HECTD4: variants seen among roughly 807,000 people sequenced by gnomAD.
The protein encoded by HECTD4 is probable E3 ubiquitin-protein ligase HECTD4.
In HECTD4, 114 loss-of-function variants were observed where a neutral mutation model predicts 471.5. The ratio of observed to expected loss-of-function variants is 0.24; its 90% confidence interval spans 0.21 to 0.28. The LOEUF is 0.28. Among genes scored for constraint, HECTD4 ranks in the 10% least tolerant of loss-of-function variants. The pLI, the probability that HECTD4 is intolerant of heterozygous loss-of-function variation, is 1.00. For missense variants in HECTD4, 3,866 were observed against 5,651.5 expected, an observed-to-expected ratio of 0.68 and a Z score of 10.13; for synonymous variants, 2,012 against 2,256.0, an observed-to-expected ratio of 0.89 and a Z score of 3.07.
At chr12:112,335,143 T>TACACACACACAC (rs144839031) in intron 1 of HECTD4, among the ~76,000 whole-genome samples, 2,064 of 146,858 alleles carry the variant, frequency 0.014, 35 homozygotes, top group East Asian at 0.065. Flanking sequence ...GAAACTGTGA[T>TACACACACACAC]ACACACACAC....
chr12:112,216,773 T>G lies in HECTD4; in HGVS notation c.7385A>C (p.Asn2462Thr), dbSNP rs1252244891. 3 of 1,613,012 alleles carry G rather than the reference T, an allele frequency of 1.9e-6. No homozygotes were observed. The highest frequency in any genetic ancestry group is 2.5e-6 in the Non-Finnish European group (3 of 1,179,050). ...TNPVGTCLFH[N>T]NGRAVHYNGS... ...ACACTGAGCTACTTCTTTTACTTACTTATGGAAAAGACAAGTGCCCACTGG... is the reference window on the plus strand; with the variant it reads ...ACACTGAGCTACTTCTTTTACTTACGTATGGAAAAGACAAGTGCCCACTGG... The change falls in exon 47 of 76, where the codon AAC (asparagine) becomes ACC (threonine). Residue 2462 changes from asparagine (N) to threonine (T), a missense_variant and splice_region_variant. Physicochemically the swap from Asn to Thr is moderately conservative, Grantham distance 65. Transcript: ENST00000682272.
At chr12:112,314,902 A>G (rs1307020625) in intron 2 of HECTD4, among the ~76,000 whole-genome samples, 1 of 152,236 alleles carries the variant, frequency 6.6e-6, no homozygotes, top group Non-Finnish European at 1.5e-5. Context: ...GAGGATCATA[A>G]AGTCTAACAG....
chr12:112,360,497 C>T (rs1351179077), intron 1 of HECTD4, among the ~76,000 whole-genome samples: 1 of 152,038 alleles, frequency 6.6e-6, no homozygotes, highest in Non-Finnish European at 1.5e-5. Context: ...AACTAAGTAC[C>T]TTGATCTTAT....
At position 112,194,797 on chromosome 12, in the gene HECTD4, C is replaced by T; in HGVS notation, c.8749+88G>A. ...AGCCTATGCGCACCATGAGGCATTTCTCGCCCTCATGCAGGGAATGACTAC... is the reference window on the plus strand; with the variant it reads ...AGCCTATGCGCACCATGAGGCATTTTTCGCCCTCATGCAGGGAATGACTAC... On this transcript the variant is annotated intron_variant, in intron 56 of 75. Coordinates refer to ENST00000682272, the MANE Select transcript of HECTD4 (RefSeq NM_001388303.1). The surrounding 1 kb of genome is among the most constrained non-coding windows in gnomAD (Gnocchi z 4.6). 1 of 1,224,612 alleles carries T rather than the reference C, an allele frequency of 8.2e-7. No individual in the cohort carries two copies. The highest frequency in any genetic ancestry group is 1.2e-6 in the Non-Finnish European group (1 of 868,378). 75.9% of individuals were successfully genotyped at this position (1,224,612 alleles called of 1,614,324 possible).
At chr12:112,287,583 A>G (rs1381236203) in intron 7 of HECTD4, among the ~76,000 whole-genome samples, 1 of 152,160 alleles carries the variant, frequency 6.6e-6, no homozygotes, top group Non-Finnish European at 1.5e-5. Flanking sequence ...CTCTCAGAAC[A>G]AAACAGAAGT....
At chr12:112,220,934 G>A (rs897828509) in intron 44 of HECTD4, among the ~76,000 whole-genome samples, 1 of 152,192 alleles carries the variant, frequency 6.6e-6, no homozygotes, top group African/African-American at 2.4e-5. Context: ...GGGAGACATA[G>A]TGAGACCCCG....
intron 43 of HECTD4, chr12:112,226,968 A>G (rs991078079): frequency 2.3e-6 from 1 of 440,842 alleles, no homozygotes; most frequent in Non-Finnish European, 4.0e-6. Context: ...CTGACACTGC[A>G]TGAAGAATTG....
intron 60 of HECTD4, among the ~76,000 whole-genome samples, chr12:112,187,861 C>T (rs1451428061): frequency 3.5e-5 from 5 of 144,464 alleles, no homozygotes; most frequent in East Asian, 2.2e-4. Flanking sequence ...CTCCTGACCT[C>T]GTGATCCGCC....
chr12:112,192,578 T>C lies in HECTD4; in HGVS notation c.9274A>G (p.Arg3092Gly). Reference sequence around the variant, plus strand: ...GACTCACCCAGTTTGATGTGGACCCTGTCTGTGGAGAGGACCACAGAGGGG... The same window carrying C: ...GACTCACCCAGTTTGATGTGGACCCCGTCTGTGGAGAGGACCACAGAGGGG... ...QYPSVVLSTDRVHIKLGVSPP... is the reference protein window; with the variant it reads ...QYPSVVLSTDGVHIKLGVSPP... The change falls in exon 59 of 76, where the codon AGG becomes GGG. Residue 3092 changes from arginine (R) to glycine (G), a missense_variant. By Grantham distance (125) the Arg-to-Gly change is moderately radical. Around this residue, in one of 16 missense-constraint regions of HECTD4, gnomAD observed 364 missense variants for 413.2 expected, o/e 0.88. Coordinates refer to ENST00000682272, the MANE Select transcript of HECTD4 (RefSeq NM_001388303.1). The C allele has an allele frequency of 2.5e-6, 4 of 1,588,112 alleles. No individual in the cohort carries two copies. The highest frequency in any genetic ancestry group is 1.7e-4 in the Middle Eastern group (1 of 5,960).
chr12:112,228,714 C>T lies in HECTD4; in HGVS notation c.6617G>A (p.Arg2206Lys), dbSNP rs199931434. The change falls in exon 42 of 76, where the codon AGA (arginine) becomes AAA (lysine). Residue 2206 changes from arginine (R) to lysine (K), a missense_variant. Physicochemically the swap from Arg to Lys is conservative, Grantham distance 26. This residue lies in a region of HECTD4 where 617 missense variants were observed against 915.1 expected (regional missense o/e 0.67). Transcript: ENST00000682272. This position sits in a 1 kb window ranked among gnomAD's most constrained non-coding sequence, Gnocchi z 4.9. ...ATVRFPPIDC[R>K]KTSQASDTLT... ...TGTGTCTGACGCTTGCGAAGTCTTT[C>T]TACAGTCTATGGGTGGGAATCTGAC... is the stretch of plus-strand genomic sequence containing the variant. 2.0e-4 allele frequency: 318 copies of T among 1,613,738 alleles called. 1 individual carries two copies. The highest frequency in any genetic ancestry group is 2.9e-4 in the South Asian group (26 of 91,038).
At chr12:112,260,926 G>A (rs1398483153) in intron 18 of HECTD4, among the ~76,000 whole-genome samples, 1 of 152,092 alleles carries the variant, frequency 6.6e-6, no homozygotes, top group African/African-American at 2.4e-5. Context: ...GTCATCCTTT[G>A]TGTAGCAGTT....
At chr12:112,221,594 C>T (rs567285530) in intron 44 of HECTD4, among the ~76,000 whole-genome samples, 8 of 152,098 alleles carry the variant, frequency 5.3e-5, no homozygotes, top group African/African-American at 1.9e-4. Context: ...TGTGAAGGGA[C>T]AAAGAAGAGG....
intron 72 of HECTD4, among the ~76,000 whole-genome samples, chr12:112,165,797 T>C (rs1284557055): frequency 6.6e-6 from 1 of 152,200 alleles, no homozygotes; most frequent in Admixed American, 6.5e-5. Context: ...AGGATCAGCG[T>C]CCAGGGGAAA....
intron 1 of HECTD4, among the ~76,000 whole-genome samples, chr12:112,380,965 G>A (rs888692575): frequency 1.3e-5 from 2 of 152,018 alleles, no homozygotes; most frequent in South Asian, 2.1e-4. Context: ...TCCTCTCTGC[G>A]CCCTACCCCA....
chr12:112,297,659 G>A (rs541387167), intron 7 of HECTD4, among the ~76,000 whole-genome samples: 1 of 152,168 alleles, frequency 6.6e-6, no homozygotes, highest in Non-Finnish European at 1.5e-5. Flanking sequence ...GAGCAAATCT[G>A]AGCTAACCTC....
At chr12:112,300,332 G>C (rs974792325) in intron 7 of HECTD4, among the ~76,000 whole-genome samples, 3 of 149,782 alleles carry the variant, frequency 2.0e-5, no homozygotes, top group African/African-American at 7.4e-5. Context: ...AAGAAAGAAA[G>C]AAAAAGAAAG....
In HECTD4 at chr12:112,163,056, G is replaced by T. The variant is rs780451477; in HGVS notation, c.13106C>A (p.Pro4369Gln). The change falls in exon 75 of 76, where the codon CCA (proline) becomes CAA (glutamine). Residue 4369 changes from proline to glutamine, a missense_variant. This residue lies in a region of HECTD4 where 715 missense variants were observed against 1,087.6 expected (regional missense o/e 0.66). Transcript: ENST00000682272. The surrounding 1 kb of genome is among the most constrained non-coding windows in gnomAD (Gnocchi z 8.2). ...VPPYPMKIAP[P>Q]DGTAGSPDSR... ...GAGGGCGGTACCTGCTGTGCCATCT[G>T]GGGGGGCGATCTTCATGGGGTACGG... 3.7e-6 allele frequency: 6 copies of T among 1,608,496 alleles called. No individual in the cohort carries two copies. In the Admixed American group the frequency reaches 5.0e-5, roughly 13 times the overall value.
chr12:112,342,743 T>A lies in HECTD4; in HGVS notation c.178-23001A>T, dbSNP rs1186839256. Among the ~76,000 whole-genome samples, 6 of 152,292 alleles carry A rather than the reference T, an allele frequency of 3.9e-5. No homozygotes were observed. In the East Asian group the frequency reaches 1.2e-3, roughly 29 times the overall value. ...TTGCCTCTGTGAGATCTGATTAAAT[T>A]TTTGCTGCCAAAACCACGTATGCCA... is the stretch of plus-strand genomic sequence containing the variant. On this transcript the variant is annotated intron_variant, in intron 1 of 75. Coordinates refer to ENST00000682272, the MANE Select transcript of HECTD4 (RefSeq NM_001388303.1).
chr12:112,329,364 T>G (rs1403764332), intron 1 of HECTD4, among the ~76,000 whole-genome samples: 1 of 129,464 alleles, frequency 7.7e-6, no homozygotes, highest in African/African-American at 3.6e-5. Context: ...TTGTTTTGGG[T>G]TTTTTGTTTT....
Sources: allele counts gnomAD v4.1 joint callset (sites outside exome capture counted in the v4.1 genomes callset), GRCh38; gene constraint gnomAD v4.1.1; regional missense constraint gnomAD v4.1.1; non-coding constraint Gnocchi (gnomAD v3.1); transcripts MANE v1.5; gene names NCBI Gene and HGNC (gene_info 2026-07-23, HGNC 2026-07-21).